The following B4GALT5 variants were observed in gnomAD, a reference collection of about 807,000 sequenced individuals.
B4GALT5 encodes beta-1,4-galactosyltransferase 5.
A neutral mutation model predicts 45.0 loss-of-function variants in B4GALT5; 11 were observed. The observed-to-expected ratio is 0.24, with a 90% CI of 0.15 to 0.40. B4GALT5 has a LOEUF of 0.40. Among genes scored for constraint, B4GALT5 ranks in the 10% least tolerant of loss-of-function variants. The pLI, the probability that B4GALT5 is intolerant of heterozygous loss-of-function variation, is 1.00. For missense variants in B4GALT5, 337 were observed against 500.2 expected (o/e 0.67, Z 3.11); for synonymous variants, 185 against 182.9 (o/e 1.01, Z -0.09).
At chr20:49,695,355 A>G (rs1211489427) in intron 1 of B4GALT5, among the ~76,000 whole-genome samples, 3 of 151,868 alleles carry the variant, frequency 2.0e-5, no homozygotes, top group Non-Finnish European at 4.4e-5. Context: ...ACTGCTTTAT[A>G]TGGATTAACT....
At chr20:49,639,907 C>T in intron 6 of B4GALT5, 107 bp from the exon 7 acceptor site, 1 of 1,438,642 alleles carries the variant, frequency 7.0e-7, no homozygotes, top group Non-Finnish European at 9.4e-7. Context: ...TGCTCCTGAC[C>T]TGAACCATAT....
At chr20:49,691,747 AAC>A (rs1448195277) in intron 1 of B4GALT5, among the ~76,000 whole-genome samples, 1 of 152,220 alleles carries the variant, frequency 6.6e-6, no homozygotes, top group African/African-American at 2.4e-5. Context: ...CCAAAATGTT[AAC>A]AGTGTGTTAT....
At chr20:49,655,714 A>AGGTCAGG (rs924158209) in intron 2 of B4GALT5, among the ~76,000 whole-genome samples, 14 of 151,984 alleles carry the variant, frequency 9.2e-5, no homozygotes, top group Admixed American at 7.9e-4. Flanking sequence ...AGATCACTTG[A>AGGTCAGG]GGTCAGGAGT....
At chr20:49,638,741 A>C (rs1374013391) in intron 7 of B4GALT5, among the ~76,000 whole-genome samples, 1 of 152,226 alleles carries the variant, frequency 6.6e-6, no homozygotes, top group Non-Finnish European at 1.5e-5. Context: ...AAAGAGCCTT[A>C]AAATGACTAC....
chr20:49,689,068 G>A (rs1348833017), intron 1 of B4GALT5, among the ~76,000 whole-genome samples: 1 of 152,032 alleles, frequency 6.6e-6, no homozygotes, highest in Non-Finnish European at 1.5e-5. Context: ...GAAGGAAGGA[G>A]AATAGAAAAA....
intron 5 of B4GALT5, among the ~76,000 whole-genome samples, chr20:49,641,574 T>C (rs1263906324): frequency 6.6e-6 from 1 of 152,172 alleles, no homozygotes; most frequent in Non-Finnish European, 1.5e-5. Context: ...AGATAGACCG[T>C]TAGCATTTCC....
rs2085552927 is a variant in B4GALT5 at position 49,636,207 on chromosome 20, G to A, written c.*105C>T. The A allele has an allele frequency of 7.2e-7, 1 of 1,392,334 alleles. No homozygotes were observed. The highest frequency in any genetic ancestry group is 1.4e-5 in the African/African-American group (1 of 69,372). 86.2% of individuals were successfully genotyped at this position (1,392,334 alleles called of 1,614,324 possible). On this transcript the variant is annotated 3_prime_UTR_variant, in exon 9 of 9. Coordinates refer to ENST00000371711, the MANE Select transcript of B4GALT5 (RefSeq NM_004776.4). ...ACTCTGTGATCCTTCATGAGACACAGTATTTCTGTTCTCTTGCTGTGTAGA... is the reference window on the plus strand; with the variant it reads ...ACTCTGTGATCCTTCATGAGACACAATATTTCTGTTCTCTTGCTGTGTAGA...
At chr20:49,636,936 A>AC (rs1568713570) in intron 8 of B4GALT5, among the ~76,000 whole-genome samples, 77 of 151,686 alleles carry the variant, frequency 5.1e-4, no homozygotes, top group Middle Eastern at 3.4e-3. Flanking sequence ...ACACACACAC[A>AC]AAGAAAGAAA....
intron 1 of B4GALT5, among the ~76,000 whole-genome samples, chr20:49,706,810 T>C (rs1415468824): frequency 1.3e-5 from 2 of 152,198 alleles, no homozygotes; most frequent in Non-Finnish European, 2.9e-5. Flanking sequence ...CAGCATTACA[T>C]TGCTCACTTC....
intron 2 of B4GALT5, among the ~76,000 whole-genome samples, chr20:49,652,694 A>C (rs1568718902): frequency 6.6e-6 from 1 of 152,200 alleles, no homozygotes; most frequent in Non-Finnish European, 1.5e-5. Context: ...TTCCAGGTTC[A>C]CAGACCCCAT....
chr20:49,638,651 C>G (rs1219114829), intron 7 of B4GALT5, among the ~76,000 whole-genome samples: 1 of 151,864 alleles, frequency 6.6e-6, no homozygotes, highest in Non-Finnish European at 1.5e-5. Context: ...TTGTTAGAAC[C>G]TTTAGCAGGA....
intron 1 of B4GALT5, among the ~76,000 whole-genome samples, chr20:49,711,406 A>G (rs1000084383): frequency 3.3e-5 from 5 of 152,212 alleles, no homozygotes; most frequent in African/African-American, 1.2e-4. Flanking sequence ...TAACCTTTCT[A>G]TCAAAAGGGT....
At chr20:49,665,617 G>C (rs2085687191) in intron 1 of B4GALT5, among the ~76,000 whole-genome samples, 1 of 150,596 alleles carries the variant, frequency 6.6e-6, no homozygotes, top group Non-Finnish European at 1.5e-5. Flanking sequence ...ATATACATAA[G>C]ATGTTCCAGG....
rs566411783 is a variant in B4GALT5, at chr20:49,645,130, T to C, written c.365-1480A>G. Among the ~76,000 whole-genome samples the C allele has an allele frequency of 2.4e-4, 36 of 152,340 alleles. No individual in the cohort carries two copies. The South Asian group carries it at 6.6e-3, about 28-fold the overall frequency. Reference sequence around the variant, plus strand: ...GGTGGCTCATGCCTGTAGTCCCAGCTTCTCAGGAGGCTGAGGCAGGACGAT... The same window carrying C: ...GGTGGCTCATGCCTGTAGTCCCAGCCTCTCAGGAGGCTGAGGCAGGACGAT... On this transcript the variant is annotated intron_variant, in intron 3 of 8. Coordinates refer to ENST00000371711, the MANE Select transcript of B4GALT5 (RefSeq NM_004776.4).
chr20:49,672,938 T>C (rs1276279836), intron 1 of B4GALT5, among the ~76,000 whole-genome samples: 1 of 152,218 alleles, frequency 6.6e-6, no homozygotes, highest in Non-Finnish European at 1.5e-5. Context: ...GCATTTACAA[T>C]GGAGAGATCA....
intron 1 of B4GALT5, among the ~76,000 whole-genome samples, chr20:49,666,850 C>T (rs181300002): frequency 6.6e-6 from 1 of 152,302 alleles, no homozygotes; most frequent in East Asian, 1.9e-4. Context: ...AGCAGATGAT[C>T]AGTGTTCACT....
intron 1 of B4GALT5, among the ~76,000 whole-genome samples, chr20:49,668,982 C>G (rs1048141440): frequency 7.9e-5 from 12 of 152,182 alleles, no homozygotes; most frequent in African/African-American, 2.7e-4. Context: ...CTGCCTCAGC[C>G]TCCTGTGTAG....
chr20:49,668,805 A>G (rs1333889183), intron 1 of B4GALT5, among the ~76,000 whole-genome samples: 2 of 151,180 alleles, frequency 1.3e-5, no homozygotes, highest in Non-Finnish European at 2.9e-5. Flanking sequence ...TTGTGGTTCC[A>G]GCCTCCCACC....
chr20:49,673,948 G>T (rs1036489344), intron 1 of B4GALT5, among the ~76,000 whole-genome samples: 13 of 151,846 alleles, frequency 8.6e-5, no homozygotes, highest in Non-Finnish European at 1.9e-4. Flanking sequence ...ATAATAAAAA[G>T]TTCTGGGGGC....
Sources: gnomAD v4.1 joint callset for allele counts (sites outside exome capture counted in the v4.1 genomes callset) on GRCh38, gnomAD v4.1.1 for gene constraint, MANE v1.5 for transcripts, NCBI Gene and HGNC (gene_info 2026-07-23, HGNC 2026-07-21) for gene names.